The following PVT1 variants were observed in gnomAD, a reference collection of about 807,000 sequenced individuals.
The protein encoded by PVT1 is Pvt1 oncogene, also known as CXCR4/PVT1 fusion.
At chr8:127,935,105 T>TA (rs1816256671) in intron 3 of PVT1, among the ~76,000 whole-genome samples, 1 of 152,120 alleles carries the variant, frequency 6.6e-6, no homozygotes, top group Non-Finnish European at 1.5e-5. Context: ...TAGCTGGGAT[T>TA]ACAGGCATGC....
intron 4 of PVT1, among the ~76,000 whole-genome samples, chr8:128,021,037 C>T (rs1462743872): frequency 1.3e-5 from 2 of 152,150 alleles, no homozygotes; most frequent in African/African-American, 4.8e-5. Flanking sequence ...CTATTTCAGA[C>T]CCCCTGGGAT....
chr8:127,976,694 G>T (rs946112538), intron 3 of PVT1, among the ~76,000 whole-genome samples: 2 of 152,158 alleles, frequency 1.3e-5, no homozygotes. Flanking sequence ...CACTTTGGGG[G>T]CTCTGTATCC....
chr8:127,887,109 G>A (rs145361050), intron 2 of PVT1, among the ~76,000 whole-genome samples: 4 of 152,252 alleles, frequency 2.6e-5, no homozygotes, highest in East Asian at 1.9e-4. Flanking sequence ...AGTGACTTAG[G>A]GAACATTTGT....
intron 2 of PVT1, among the ~76,000 whole-genome samples, chr8:127,824,929 G>T (rs1216031649): frequency 6.6e-6 from 1 of 151,978 alleles, no homozygotes; most frequent in African/African-American, 2.4e-5. Flanking sequence ...AGACCAGCTT[G>T]GGCAACATGG....
chr8:128,006,191 A>G (rs1016582586), intron 4 of PVT1, among the ~76,000 whole-genome samples: 1 of 151,286 alleles, frequency 6.6e-6, no homozygotes, highest in African/African-American at 2.4e-5. Context: ...CCAAGTTTAG[A>G]GTATATGCAC....
rs1242358308 is a variant in PVT1 at position 127,997,055 on chromosome 8, TTGTTTGTTTG to T, written n.912+7766_912+7775del. Among the ~76,000 whole-genome samples, 14 of 133,098 alleles carry T rather than the reference TTGTTTGTTTG, an allele frequency of 1.1e-4. 2 individuals are homozygous for T. The highest frequency in any genetic ancestry group is 1.9e-4 in the African/African-American group (7 of 36,054). The allele number at this position is 133,098 out of a possible 152,430, so 87.3% of individuals were successfully genotyped here. A position where few individuals can be genotyped will look rare whatever the true frequency, so the allele number is the denominator to read the frequency against. On this transcript the variant is annotated intron_variant and non_coding_transcript_variant, in intron 4 of 10. Transcript: ENST00000651587. ...GGTCATTTGCTTTCGTTTTTTTTTTTTGTTTGTTTGTTTTTTGATACAGAGTTTCACTCTT... is the reference window on the plus strand; with the variant it reads ...GGTCATTTGCTTTCGTTTTTTTTTTTTTTTTTGATACAGAGTTTCACTCTT...
chr8:127,939,078 C>G (rs750617), intron 3 of PVT1, among the ~76,000 whole-genome samples: 2,873 of 152,330 alleles, frequency 0.019, 101 homozygotes, highest in African/African-American at 0.066. Flanking sequence ...ACCAAGGGGT[C>G]TTCTTGCTTC....
chr8:128,090,021 T>C (rs1380113738), intron 5 of PVT1, among the ~76,000 whole-genome samples: 1 of 152,252 alleles, frequency 6.6e-6, no homozygotes, highest in African/African-American at 2.4e-5. Context: ...TCAGATTTTA[T>C]TTCAAAGGAT....
intron 3 of PVT1, among the ~76,000 whole-genome samples, chr8:127,927,722 C>T (rs1196902448): frequency 6.6e-6 from 1 of 152,212 alleles, no homozygotes; most frequent in Non-Finnish European, 1.5e-5. Context: ...ACTGTACCAT[C>T]CTGAAAGTCA....
chr8:127,834,434 G>A (rs542120472), intron 2 of PVT1, among the ~76,000 whole-genome samples: 29 of 152,172 alleles, frequency 1.9e-4, no homozygotes, highest in South Asian at 4.2e-4. Context: ...ATGGATTAAA[G>A]GCTTAAACAT....
chr8:127,978,815 AG>A (rs1464874104), intron 3 of PVT1, among the ~76,000 whole-genome samples: 1 of 151,994 alleles, frequency 6.6e-6, no homozygotes, highest in African/African-American at 2.4e-5. Context: ...TTTGGAGACA[AG>A]GTTTTGCTTT....
At chr8:128,072,393 G>A (rs1199309447) in intron 5 of PVT1, among the ~76,000 whole-genome samples, 3 of 152,174 alleles carry the variant, frequency 2.0e-5, no homozygotes, top group Admixed American at 6.5e-5. Context: ...CAATCTTGCA[G>A]AGCCTCCACC....
chr8:128,085,780 T>G (rs955545048), intron 5 of PVT1, among the ~76,000 whole-genome samples: 1 of 152,226 alleles, frequency 6.6e-6, no homozygotes, highest in Non-Finnish European at 1.5e-5. Context: ...TTTGAAAAGA[T>G]GTATGTCTTA....
At chr8:128,038,470 T>C (rs1249146758) in intron 4 of PVT1, among the ~76,000 whole-genome samples, 2 of 152,136 alleles carry the variant, frequency 1.3e-5, no homozygotes, top group Non-Finnish European at 2.9e-5. Context: ...AAAGAAAGAA[T>C]GTCATTTCCA....
chr8:127,953,738 A>C (rs1816535772), intron 3 of PVT1, among the ~76,000 whole-genome samples: 1 of 152,162 alleles, frequency 6.6e-6, no homozygotes, highest in East Asian at 1.9e-4. Context: ...CTACTCCAAG[A>C]AATCTGTTGT....
intron 3 of PVT1, among the ~76,000 whole-genome samples, chr8:127,935,071 A>G (rs1036060646): frequency 6.6e-6 from 1 of 151,964 alleles, no homozygotes; most frequent in Admixed American, 6.6e-5. Context: ...GGTTCAAGCC[A>G]TTCTCCTGCC....
chr8:127,962,568 G>A (rs575669745), intron 3 of PVT1, among the ~76,000 whole-genome samples: 32 of 152,152 alleles, frequency 2.1e-4, no homozygotes, highest in Admixed American at 7.2e-4. Flanking sequence ...TCACACCCAG[G>A]TTGCGGTTTT....
At chr8:127,993,585 G>A (rs1817068539) in intron 4 of PVT1, among the ~76,000 whole-genome samples, 1 of 152,220 alleles carries the variant, frequency 6.6e-6, no homozygotes, top group Non-Finnish European at 1.5e-5. Flanking sequence ...CAGGGTCTAG[G>A]TCTTGTTCTC....
intron 4 of PVT1, among the ~76,000 whole-genome samples, chr8:128,035,479 C>T (rs995468399): frequency 6.6e-6 from 1 of 152,202 alleles, no homozygotes; most frequent in Non-Finnish European, 1.5e-5. Flanking sequence ...TACCCTTCAT[C>T]CCTCCTTCTG....
Sources: allele counts gnomAD v4.1 joint callset (sites outside exome capture counted in the v4.1 genomes callset), GRCh38; gene constraint gnomAD v4.1.1; transcripts MANE v1.5; gene names NCBI Gene and HGNC (gene_info 2026-07-23, HGNC 2026-07-21).